The following SLC35F3 variants were observed in gnomAD, a reference collection of about 807,000 sequenced individuals.
The protein encoded by SLC35F3 is solute carrier family 35 member F3, also known as putative thiamine transporter SLC35F3.
Under a neutral mutation model 49.9 loss-of-function variants are expected in SLC35F3, and 25 were observed. That is an observed-to-expected ratio of 0.50 (90% confidence interval 0.37 to 0.70). The LOEUF (loss-of-function observed/expected upper bound fraction) is 0.70, where lower values mean the gene tolerates loss of function less well. SLC35F3 is among the 30% of genes least tolerant of loss of function. SLC35F3 has a pLI of 0.00. For synonymous variants in SLC35F3, 275 were observed against 265.4 expected (o/e 1.04, Z -0.35); for missense variants, 525 against 639.8 (o/e 0.82, Z 1.94).
intron 2 of SLC35F3, among the ~76,000 whole-genome samples, chr1:233,946,548 TTTTTCTTATTTAAA>T (rs1413763873): frequency 6.6e-5 from 10 of 152,228 alleles, no homozygotes; most frequent in African/African-American, 1.2e-4. Flanking sequence ...TTATTAAATT[TTTTTCTTATTTAAA>T]TTTTCTTATT....
rs781469880 is a variant in SLC35F3 at position 234,081,904 on chromosome 1, A to ATTTTTTTTT, written c.284-149489_284-149481dup. Among the ~76,000 whole-genome samples, 275 of 39,232 alleles carry ATTTTTTTTT rather than the reference A, an allele frequency of 7.0e-3. 50 individuals are homozygous for ATTTTTTTTT. The highest frequency in any genetic ancestry group is 0.029 in the Middle Eastern group (1 of 34). 25.7% of individuals were successfully genotyped at this position (39,232 alleles called of 152,430 possible). A position where few individuals can be genotyped will look rare whatever the true frequency, so the allele number is the denominator to read the frequency against. ...AGGCGCCTGCCACCATGCCTGGCTA[A>ATTTTTTTTT]TTTTTTTTTTTTTTTTTTTTTTTTT... On this transcript the variant is annotated intron_variant, in intron 2 of 7. Transcript: ENST00000366618.
chr1:234,251,073 C>T (rs1667731319), intron 3 of SLC35F3, among the ~76,000 whole-genome samples: 1 of 152,062 alleles, frequency 6.6e-6, no homozygotes, highest in Non-Finnish European at 1.5e-5. Flanking sequence ...GATGACAATG[C>T]CAACAAAGTC....
intron 3 of SLC35F3, among the ~76,000 whole-genome samples, chr1:234,257,868 T>C (rs1163513209): frequency 6.6e-6 from 1 of 152,228 alleles, no homozygotes; most frequent in Non-Finnish European, 1.5e-5. Flanking sequence ...ATTCCTTTTA[T>C]AGGTAATTGC....
At chr1:234,145,608 G>A (rs1255493215) in intron 2 of SLC35F3, among the ~76,000 whole-genome samples, 3 of 152,116 alleles carry the variant, frequency 2.0e-5, no homozygotes, top group African/African-American at 7.2e-5. Flanking sequence ...TATTGAACCT[G>A]TATAGACTTT....
Position 233,939,299 on chromosome 1 carries a change from T to A in SLC35F3, c.283+33541T>A, listed in dbSNP as rs185165902. Among the ~76,000 whole-genome samples, 724 of 152,054 alleles carry A rather than the reference T, an allele frequency of 4.8e-3. 6 individuals are homozygous for A. Among genetic ancestry groups the A allele is most frequent in the African/African-American group, 0.017 (687 of 41,492 alleles). Reference sequence around the variant, plus strand: ...ACACCCTGTCTGTGCAAAAAAAATTTAAAAAATTGGTTGGGTATGGAAGCA... The same window carrying A: ...ACACCCTGTCTGTGCAAAAAAAATTAAAAAAATTGGTTGGGTATGGAAGCA... On this transcript the variant is annotated intron_variant, in intron 2 of 7. Transcript: ENST00000366618.
intron 2 of SLC35F3, among the ~76,000 whole-genome samples, chr1:234,088,940 T>A (rs1664999908): frequency 6.6e-6 from 1 of 151,986 alleles, no homozygotes; most frequent in Non-Finnish European, 1.5e-5. Flanking sequence ...TTTTGTATTT[T>A]TAGTAGAGAG....
intron 2 of SLC35F3, among the ~76,000 whole-genome samples, chr1:233,923,027 A>G (rs1176058515): frequency 1.3e-5 from 2 of 152,218 alleles, no homozygotes; most frequent in Non-Finnish European, 2.9e-5. Flanking sequence ...TGGTACCAAT[A>G]CCATGCTGTT....
At chr1:234,265,599 C>T (rs551240090) in intron 3 of SLC35F3, among the ~76,000 whole-genome samples, 1 of 152,114 alleles carries the variant, frequency 6.6e-6, no homozygotes, top group African/African-American at 2.4e-5. Flanking sequence ...CCATGTCCCC[C>T]CAAGACGAAG....
chr1:233,979,129 GC>G (rs1161484055), intron 2 of SLC35F3, among the ~76,000 whole-genome samples: 1 of 151,770 alleles, frequency 6.6e-6, no homozygotes. Context: ...GTGATTCAGG[GC>G]CAGGCCAGTC....
intron 2 of SLC35F3, among the ~76,000 whole-genome samples, chr1:234,171,818 G>A (rs1393607773): frequency 1.3e-5 from 2 of 152,196 alleles, no homozygotes; most frequent in Non-Finnish European, 2.9e-5. Context: ...GAAGGAACAT[G>A]ATAAATGTTT....
At chr1:234,198,257 AG>A (rs1401781871) in intron 2 of SLC35F3, among the ~76,000 whole-genome samples, 13 of 152,354 alleles carry the variant, frequency 8.5e-5, no homozygotes, top group African/African-American at 3.1e-4. Context: ...TTCTTGACAA[AG>A]ATGAAACATT....
At chr1:234,056,455 A>C (rs1664458016) in intron 2 of SLC35F3, among the ~76,000 whole-genome samples, 1 of 152,178 alleles carries the variant, frequency 6.6e-6, no homozygotes, top group South Asian at 2.1e-4. Flanking sequence ...TGCAACTATC[A>C]CCACAGTCCA....
intron 3 of SLC35F3, among the ~76,000 whole-genome samples, chr1:234,248,174 G>A (rs1038726277): frequency 2.1e-4 from 32 of 152,170 alleles, no homozygotes; most frequent in Middle Eastern, 3.4e-3. Context: ...CTGGTCCATT[G>A]TTTGATGGGT....
At chr1:234,097,936 T>G (rs1461791456) in intron 2 of SLC35F3, among the ~76,000 whole-genome samples, 1 of 152,154 alleles carries the variant, frequency 6.6e-6, no homozygotes, top group Non-Finnish European at 1.5e-5. Flanking sequence ...GATGGTGTTA[T>G]AGGGTGATGG....
intron 2 of SLC35F3, among the ~76,000 whole-genome samples, chr1:234,080,806 C>T (rs190880545): frequency 5.3e-5 from 8 of 152,168 alleles, no homozygotes; most frequent in African/African-American, 1.7e-4. Context: ...TTTCTTTCTG[C>T]GTCAATGGAA....
intron 2 of SLC35F3, among the ~76,000 whole-genome samples, chr1:234,204,752 A>G (rs1400143414): frequency 1.3e-5 from 2 of 152,260 alleles, no homozygotes; most frequent in East Asian, 3.8e-4. Context: ...GGGAAAAGGC[A>G]TGACCCACAG....
intron 3 of SLC35F3, among the ~76,000 whole-genome samples, chr1:234,263,053 A>G (rs974531766): frequency 1.3e-5 from 2 of 152,184 alleles, no homozygotes; most frequent in African/African-American, 4.8e-5. Flanking sequence ...GGGATCACAC[A>G]CATAAGTCAC....
rs145321986 is a variant in SLC35F3 at position 234,253,283 on chromosome 1, G to A, written c.608+21542G>A. On this transcript the variant is annotated intron_variant, in intron 3 of 7. Transcript: ENST00000366618. The stretch of plus-strand genomic sequence containing the variant: ...AGAGGTTGCAGTAAGCCAAAATGGC[G>A]CCACCGCACTCCAGCCTGGGCAACA... 8.4e-3 allele frequency among the ~76,000 whole-genome samples: 1,282 copies of A among 151,738 alleles called. 22 individuals are homozygous for A. The highest frequency in any genetic ancestry group is 0.029 in the African/African-American group (1,215 of 41,326).
intron 2 of SLC35F3, among the ~76,000 whole-genome samples, chr1:234,144,418 A>G (rs1185478800): frequency 6.6e-6 from 1 of 152,176 alleles, no homozygotes; most frequent in Non-Finnish European, 1.5e-5. Context: ...ACTTCTCATG[A>G]TGGAATGGTG....
Sources: allele counts gnomAD v4.1 joint callset (sites outside exome capture counted in the v4.1 genomes callset), GRCh38; gene constraint gnomAD v4.1.1; transcripts MANE v1.5; gene names NCBI Gene and HGNC (gene_info 2026-07-23, HGNC 2026-07-21).